The following ERBB4 variants were observed in gnomAD, a reference collection of about 807,000 sequenced individuals.
ERBB4 encodes the protein receptor tyrosine-protein kinase erbB-4.
A neutral mutation model predicts 158.0 loss-of-function variants in ERBB4; 42 were observed. The observed-to-expected ratio is 0.27, with a 90% CI of 0.21 to 0.34. The LOEUF (loss-of-function observed/expected upper bound fraction) is 0.34, where lower values mean the gene tolerates loss of function less well. Among genes scored for constraint, ERBB4 ranks in the 10% least tolerant of loss-of-function variants. The pLI is 1.00. For synonymous variants in ERBB4, 583 were observed against 558.7 expected (o/e 1.04, Z -0.61); for missense variants, 1,333 against 1,624.1 (o/e 0.82, Z 3.08).
At chr2:212,117,468 T>C (rs1315281089) in intron 2 of ERBB4, among the ~76,000 whole-genome samples, 1 of 152,144 alleles carries the variant, frequency 6.6e-6, no homozygotes, top group African/African-American at 2.4e-5. Context: ...AAGAAAAACA[T>C]AGACTACTGT....
At chr2:211,536,561 T>C (rs900298525) in intron 20 of ERBB4, among the ~76,000 whole-genome samples, 6 of 151,426 alleles carry the variant, frequency 4.0e-5, no homozygotes, top group South Asian at 4.2e-4. Flanking sequence ...TGTGGGAAAA[T>C]AGGAAATATC....
chr2:211,913,504 A>G (rs10204636), intron 3 of ERBB4, among the ~76,000 whole-genome samples: 46,581 of 151,548 alleles, frequency 0.31, 7,556 homozygotes, highest in African/African-American at 0.41. Flanking sequence ...AGGAGGCTGA[A>G]GCAGGAGAAT....
chr2:211,704,962 T>G (rs2073383266), intron 10 of ERBB4, among the ~76,000 whole-genome samples: 1 of 152,194 alleles, frequency 6.6e-6, no homozygotes. Context: ...TGTTTTGTTT[T>G]TTGTTGTTAT....
At position 211,430,962 on chromosome 2, in the gene ERBB4, T is replaced by G. The variant is rs2063736955; in HGVS notation, c.2626A>C (p.Asn876His). 6.2e-7 allele frequency: 1 copy of G among 1,613,616 alleles called. No individual in the cohort carries two copies. The highest frequency in any genetic ancestry group is 8.5e-7 in the Non-Finnish European group (1 of 1,179,650). The change falls in exon 21 of 28, where the codon AAT becomes CAT. Residue 876 changes from asparagine to histidine, a missense_variant. By Grantham distance (68) the Asn-to-His change is moderately conservative. This residue lies in a region of ERBB4 where 314 missense variants were observed against 437.6 expected (regional missense o/e 0.72). Coordinates refer to ENST00000342788, the MANE Select transcript of ERBB4 (RefSeq NM_005235.3). ...RLLEGDEKEY[N>H]ADGGKMPIKW... ...ATACCCACCTTTCCTCCATCAGCATTGTACTCTTTTTCATCTCCTTCCAAG... is the reference window on the plus strand; with the variant it reads ...ATACCCACCTTTCCTCCATCAGCATGGTACTCTTTTTCATCTCCTTCCAAG...
intron 1 of ERBB4, among the ~76,000 whole-genome samples, chr2:212,184,570 T>C (rs939194186): frequency 1.6e-4 from 25 of 152,126 alleles, no homozygotes; most frequent in African/African-American, 5.5e-4. Context: ...CTAGCACATT[T>C]TGGAGCATCT....
At chr2:212,075,313 T>C (rs1160626218) in intron 2 of ERBB4, among the ~76,000 whole-genome samples, 1 of 151,968 alleles carries the variant, frequency 6.6e-6, no homozygotes, top group East Asian at 1.9e-4. Flanking sequence ...CATGAAATAA[T>C]TGTCTTGGGA....
chr2:211,560,984 G>T (rs2067376431), intron 20 of ERBB4, among the ~76,000 whole-genome samples: 1 of 151,972 alleles, frequency 6.6e-6, no homozygotes, highest in African/African-American at 2.4e-5. Context: ...AATATCTATG[G>T]AATCTTAAAA....
intron 2 of ERBB4, among the ~76,000 whole-genome samples, chr2:211,971,373 T>C (rs2081447442): frequency 6.6e-6 from 1 of 152,096 alleles, no homozygotes; most frequent in South Asian, 2.1e-4. Flanking sequence ...ACTGAATCCA[T>C]GAACAGACCA....
chr2:212,214,160 C>T (rs1404657407), intron 1 of ERBB4, among the ~76,000 whole-genome samples: 1 of 151,738 alleles, frequency 6.6e-6, no homozygotes, highest in Non-Finnish European at 1.5e-5. Flanking sequence ...AATTTTTACA[C>T]ATATGGGAAT....
At position 211,497,775 on chromosome 2, in the gene ERBB4, G is replaced by A. The variant is rs547164965; in HGVS notation, c.2487+64128C>T. 2.0e-5 allele frequency among the ~76,000 whole-genome samples: 3 copies of A among 152,002 alleles called. No homozygotes were observed. In the South Asian group the frequency reaches 6.2e-4, roughly 32 times the overall value. ...TATTTCATGGATGGTCCATATATTT[G>A]AAAAAGTAAATAAAATATACCTTGC... is the stretch of plus-strand genomic sequence containing the variant. On this transcript the variant is annotated intron_variant, in intron 20 of 27. Transcript: ENST00000342788.
chr2:211,438,486 G>A (rs1374833585), intron 20 of ERBB4, among the ~76,000 whole-genome samples: 1 of 152,076 alleles, frequency 6.6e-6, no homozygotes, highest in Non-Finnish European at 1.5e-5. Flanking sequence ...TTGTTAAATG[G>A]GGGTAATAAT....
Position 211,812,872 on chromosome 2 carries a change from G to A in ERBB4, c.422-24713C>T, listed in dbSNP as rs747397849. On this transcript the variant is annotated intron_variant, in intron 3 of 27. Transcript: ENST00000342788. ...ATCCAGACATGGGATATTATCTCCTGGTGTGCCATTTGCTAAGACCTTTGG... is the reference window on the plus strand; with the variant it reads ...ATCCAGACATGGGATATTATCTCCTAGTGTGCCATTTGCTAAGACCTTTGG... 1.4e-4 allele frequency among the ~76,000 whole-genome samples: 22 copies of A among 152,326 alleles called. 1 individual carries two copies. The highest frequency in any genetic ancestry group is 3.4e-3 in the Middle Eastern group (1 of 294).
intron 1 of ERBB4, among the ~76,000 whole-genome samples, chr2:212,375,315 A>T (rs545683659): frequency 6.6e-6 from 1 of 152,234 alleles, no homozygotes; most frequent in East Asian, 1.9e-4. Context: ...GTTGTAAACA[A>T]TTGGCTTAGA....
intron 3 of ERBB4, among the ~76,000 whole-genome samples, chr2:211,923,345 T>C (rs958472199): frequency 7.2e-5 from 11 of 152,180 alleles, no homozygotes; most frequent in African/African-American, 2.7e-4. Context: ...TGGAAGTCAC[T>C]GATATTTTTT....
intron 2 of ERBB4, among the ~76,000 whole-genome samples, chr2:211,999,905 T>A (rs1384920810): frequency 6.6e-6 from 1 of 151,790 alleles, no homozygotes; most frequent in Non-Finnish European, 1.5e-5. Context: ...TAAAAAAAAG[T>A]CTTTTAATTT....
At chr2:211,733,211 G>C (rs563294263) in intron 5 of ERBB4, among the ~76,000 whole-genome samples, 4 of 152,232 alleles carry the variant, frequency 2.6e-5, no homozygotes, top group African/African-American at 9.6e-5. Flanking sequence ...ATGATTCATT[G>C]AGGGACCTTA....
chr2:211,764,119 C>T (rs79129989), intron 4 of ERBB4, among the ~76,000 whole-genome samples: 17 of 151,992 alleles, frequency 1.1e-4, no homozygotes, highest in East Asian at 7.7e-4. Context: ...AATTCACCTT[C>T]GAAGTTCATA....
At chr2:212,390,837 G>A (rs2090833032) in intron 1 of ERBB4, among the ~76,000 whole-genome samples, 1 of 151,626 alleles carries the variant, frequency 6.6e-6, no homozygotes, top group African/African-American at 2.4e-5. Flanking sequence ...GACATTAATT[G>A]TTTTCATGGT....
chr2:212,282,112 G>C (rs1361240537), intron 1 of ERBB4, among the ~76,000 whole-genome samples: 1 of 151,766 alleles, frequency 6.6e-6, no homozygotes, highest in South Asian at 2.1e-4. Context: ...ATTCTCTGAT[G>C]GTCACTAAAT....
Sources: gnomAD v4.1 joint callset for allele counts (sites outside exome capture counted in the v4.1 genomes callset) on GRCh38, gnomAD v4.1.1 for gene constraint, gnomAD v4.1.1 regional missense constraint, MANE v1.5 for transcripts, NCBI Gene and HGNC (gene_info 2026-07-23, HGNC 2026-07-21) for gene names.